Variants in LAMTOR3 observed in about 807,000 individuals in gnomAD.
LAMTOR3 encodes the protein late endosomal/lysosomal adaptor, MAPK and MTOR activator 3.
Under a neutral mutation model 20.3 loss-of-function variants are expected in LAMTOR3, and 14 were observed. That is an observed-to-expected ratio of 0.69 (90% CI 0.46 to 1.08). The LOEUF (loss-of-function observed/expected upper bound fraction) is 1.08, where lower values mean the gene tolerates loss of function less well. Among genes scored for constraint, LAMTOR3 ranks in the 50% least tolerant of loss-of-function variants. LAMTOR3 has a pLI of 0.00. For missense variants in LAMTOR3, 125 were observed against 143.7 expected, an observed-to-expected ratio of 0.87 and a Z score of 0.67; for synonymous variants, 40 against 49.4, an observed-to-expected ratio of 0.81 and a Z score of 0.80.
At chr4:99,882,596 T>C (rs1724848085) in intron 6 of LAMTOR3, among the ~76,000 whole-genome samples, 2 of 152,090 alleles carry the variant, frequency 1.3e-5, no homozygotes, top group African/African-American at 4.8e-5. Flanking sequence ...TCTTAATTTA[T>C]ACCTTACTGC....
intron 3 of LAMTOR3, among the ~76,000 whole-genome samples, chr4:99,891,099 T>G (rs951425410): frequency 2.0e-5 from 3 of 152,214 alleles, no homozygotes; most frequent in African/African-American, 7.2e-5. Flanking sequence ...GCAATTTTGC[T>G]GTTTCTTCAA....
chr4:99,894,018 G>T lies in LAMTOR3; in HGVS notation c.-37-18C>A. On this transcript the variant is annotated intron_variant, in intron 1 of 6. Transcript: ENST00000499666. ...CTCCACGCCTGGAAGAGAAACTCCCGGTGACTCTTCCCTCTTTGGCTTCCT... is the reference window on the plus strand; with the variant it reads ...CTCCACGCCTGGAAGAGAAACTCCCTGTGACTCTTCCCTCTTTGGCTTCCT... 2.0e-6 allele frequency: 3 copies of T among 1,480,190 alleles called. No homozygotes were observed. The highest frequency in any genetic ancestry group is 1.3e-5 in the South Asian group (1 of 74,392). 91.7% of individuals were successfully genotyped at this position (1,480,190 alleles called of 1,614,324 possible).
At chr4:99,883,155 A>G (rs1670108309) in intron 6 of LAMTOR3, among the ~76,000 whole-genome samples, 1 of 152,052 alleles carries the variant, frequency 6.6e-6, no homozygotes, top group African/African-American at 2.4e-5. Context: ...ACTATCCTAT[A>G]TAATTCAGAA....
rs1724837873 is a variant in LAMTOR3, at chr4:99,882,061, A to G, written c.308T>C (p.Ile103Thr). 2.5e-6 allele frequency: 4 copies of G among 1,572,488 alleles called. No homozygotes were observed. The highest frequency in any genetic ancestry group is 3.4e-6 in the Non-Finnish European group (4 of 1,161,730). The change falls in exon 7 of 7, where the codon ATT becomes ACT. Residue 103 changes from isoleucine to threonine, a missense_variant. Coordinates refer to ENST00000499666, the MANE Select transcript of LAMTOR3 (RefSeq NM_021970.4). ...AGCAAGTTCCTTTTCTAGGCTGACA[A>G]TTAGTCCTAAAATAAAGAGATTAAG... ...IASSSANTGL[I>T]VSLEKELAPL...
At chr4:99,888,387 T>C (rs148093979) in intron 3 of LAMTOR3, among the ~76,000 whole-genome samples, 2 of 152,204 alleles carry the variant, frequency 1.3e-5, no homozygotes, top group African/African-American at 4.8e-5. Context: ...AAGTACTAAG[T>C]TATCAGTGAG....
chr4:99,885,782 T>C, intron 4 of LAMTOR3, 107 bp from the exon 5 acceptor site: 2 of 919,000 alleles, frequency 2.2e-6, no homozygotes, highest in Non-Finnish European at 1.6e-6. Context: ...ACAAAGGTTA[T>C]GTTTCACAAT....
In LAMTOR3 at chr4:99,881,080, A is replaced by C. The variant is rs1418219599; in HGVS notation, c.*914T>G. 1 of 152,200 alleles carries C rather than the reference A, an allele frequency of 6.6e-6. No individual in the cohort carries two copies. The highest frequency in any genetic ancestry group is 2.4e-5 in the African/African-American group (1 of 41,442). 9.4% of individuals were successfully genotyped at this position (152,200 alleles called of 1,614,324 possible). On this transcript the variant is annotated 3_prime_UTR_variant, in exon 7 of 7. Coordinates refer to ENST00000499666, the MANE Select transcript of LAMTOR3 (RefSeq NM_021970.4). The stretch of plus-strand genomic sequence containing the variant: ...TTAACAGTTCATACTACCGTAAAAC[A>C]ATCTCCAAACCAATACCTACAAGAA...
intron 5 of LAMTOR3, among the ~76,000 whole-genome samples, chr4:99,884,622 A>G (rs1724887578): frequency 2.0e-5 from 3 of 152,306 alleles, no homozygotes; most frequent in South Asian, 2.1e-4. Flanking sequence ...TAAAGGTCAG[A>G]TGGTTTGGTT....
intron 4 of LAMTOR3, 91 bp from the exon 5 acceptor site, chr4:99,885,766 T>C (rs1578202774): frequency 4.6e-6 from 5 of 1,079,600 alleles, no homozygotes; most frequent in Non-Finnish European, 5.4e-6. Context: ...CTTTTTAAAA[T>C]TGAACACAAA....
Position 99,885,768 on chromosome 4 carries a change from G to C in LAMTOR3, c.104-93C>G, listed in dbSNP as rs1042302273. ...TTTTCATAAACCTCTTTTTAAAATT[G>C]AACACAAAGGTTATGTTTCACAATA... On this transcript the variant is annotated intron_variant, in intron 4 of 6. Coordinates refer to ENST00000499666, the MANE Select transcript of LAMTOR3 (RefSeq NM_021970.4). 5 of 1,029,990 alleles carry C rather than the reference G, an allele frequency of 4.9e-6. No individual in the cohort carries two copies. The African/African-American group carries it at 6.6e-5, about 14-fold the overall frequency. 63.8% of individuals were successfully genotyped at this position (1,029,990 alleles called of 1,614,324 possible).
rs534050304 is a variant in LAMTOR3 at position 99,888,957 on chromosome 4, C to G, written c.45-1603G>C. On this transcript the variant is annotated intron_variant, in intron 3 of 6. Coordinates refer to ENST00000499666, the MANE Select transcript of LAMTOR3 (RefSeq NM_021970.4). The stretch of plus-strand genomic sequence containing the variant: ...CAGTGGCTGACGCCTGTAATCCCAG[C>G]AATTTGGGAGGCCAAGGTGGGCAGA... 9.2e-5 allele frequency among the ~76,000 whole-genome samples: 14 copies of G among 152,262 alleles called. No individual in the cohort carries two copies. In the East Asian group the frequency reaches 2.5e-3, roughly 27 times the overall value.
chr4:99,880,745 G>GA lies in LAMTOR3; in HGVS notation c.*1248dup. 6.6e-6 allele frequency: 1 copy of GA among 152,368 alleles called. No individual in the cohort carries two copies. Among genetic ancestry groups the GA allele is most frequent in the South Asian group, 2.1e-4 (1 of 4,828 alleles). The allele number at this position is 152,368 out of a possible 1,614,324, so 9.4% of individuals were successfully genotyped here. Reference sequence around the variant, plus strand: ...GATGAGACATGAATGGTGCTTCTTAGAATTGTGCAATGTGATAGCTCGGCT... The same window carrying GA: ...GATGAGACATGAATGGTGCTTCTTAGAAATTGTGCAATGTGATAGCTCGGCT... On this transcript the variant is annotated 3_prime_UTR_variant, in exon 7 of 7. Coordinates refer to ENST00000499666, the MANE Select transcript of LAMTOR3 (RefSeq NM_021970.4).
intron 3 of LAMTOR3, among the ~76,000 whole-genome samples, chr4:99,888,473 C>G (rs1184899316): frequency 1.3e-5 from 2 of 152,190 alleles, no homozygotes; most frequent in African/African-American, 4.8e-5. Flanking sequence ...TAAGGTGACA[C>G]TCCTCGACTT....
Position 99,880,527 on chromosome 4 carries a change from AG to A in LAMTOR3, c.*1466del, listed in dbSNP as rs1162203136. ...AGAACAGCTTGAACCCAGGAGGCAGAGGTTACAGTGAGGCAAGATCATGCCA... is the reference window on the plus strand; with the variant it reads ...AGAACAGCTTGAACCCAGGAGGCAGAGTTACAGTGAGGCAAGATCATGCCA... On this transcript the variant is annotated 3_prime_UTR_variant, in exon 7 of 7. Transcript: ENST00000499666. 2.0e-5 allele frequency: 3 copies of A among 152,108 alleles called. No homozygotes were observed. The highest frequency in any genetic ancestry group is 4.4e-5 in the Non-Finnish European group (3 of 68,058). 9.4% of individuals were successfully genotyped at this position (152,108 alleles called of 1,614,324 possible).
chr4:99,893,844 G>C, intron 2 of LAMTOR3, 111 bp downstream of exon 2: 3 of 736,320 alleles, frequency 4.1e-6, no homozygotes, highest in Middle Eastern at 5.5e-4. Context: ...GATGGGTGGG[G>C]CTGGGAGGAT....
At chr4:99,892,601 G>A (rs1258966151) in intron 2 of LAMTOR3, among the ~76,000 whole-genome samples, 8 of 151,846 alleles carry the variant, frequency 5.3e-5, no homozygotes, top group Non-Finnish European at 1.0e-4. Context: ...AACAGTGTAA[G>A]GCATATTATT....
At chr4:99,884,982 AAG>A (rs1444568566) in intron 5 of LAMTOR3, among the ~76,000 whole-genome samples, 1 of 152,170 alleles carries the variant, frequency 6.6e-6, no homozygotes, top group Admixed American at 6.5e-5. Flanking sequence ...AAAAAAAAAA[AAG>A]AGTAACTTAC....
chr4:99,884,309 G>A (rs1048252821), intron 5 of LAMTOR3, among the ~76,000 whole-genome samples, 184 bp from the exon 6 acceptor site: 8 of 152,162 alleles, frequency 5.3e-5, no homozygotes, highest in Non-Finnish European at 1.5e-5. Flanking sequence ...AACAGAATTA[G>A]TGATGATCTC....
In LAMTOR3 at chr4:99,894,032, C is replaced by T. The variant is rs553303696; in HGVS notation, c.-37-32G>A. 9 of 1,385,182 alleles carry T rather than the reference C, an allele frequency of 6.5e-6. 1 individual carries two copies. In the Middle Eastern group the frequency reaches 1.1e-3, roughly 174 times the overall value. 85.8% of individuals were successfully genotyped at this position (1,385,182 alleles called of 1,614,324 possible). The stretch of plus-strand genomic sequence containing the variant: ...GAGAAACTCCCGGTGACTCTTCCCT[C>T]TTTGGCTTCCTCGTCCTCCCCACCC... On this transcript the variant is annotated intron_variant, in intron 1 of 6. Coordinates refer to ENST00000499666, the MANE Select transcript of LAMTOR3 (RefSeq NM_021970.4).
Sources: gnomAD v4.1 joint callset for allele counts (sites outside exome capture counted in the v4.1 genomes callset) on GRCh38, gnomAD v4.1.1 for gene constraint, MANE v1.5 for transcripts, NCBI Gene and HGNC (gene_info 2026-07-23, HGNC 2026-07-21) for gene names.